Variants in STK32B observed in about 807,000 individuals in gnomAD.
STK32B encodes serine/threonine kinase 32B, also known as serine/threonine-protein kinase 32B.
A neutral mutation model predicts 52.6 loss-of-function variants in STK32B; 43 were observed. The ratio of observed to expected loss-of-function variants is 0.82; its 90% CI spans 0.64 to 1.05. The LOEUF (loss-of-function observed/expected upper bound fraction) is 1.05. STK32B is among the 50% of genes least tolerant of loss of function. The pLI is 0.00. For synonymous variants in STK32B, 238 were observed against 204.3 expected (o/e 1.17, Z -1.41); for missense variants, 621 against 534.6 (o/e 1.16, Z -1.59).
At chr4:5,083,818 C>A (rs1712568213) in intron 1 of STK32B, among the ~76,000 whole-genome samples, 1 of 151,586 alleles carries the variant, frequency 6.6e-6, no homozygotes, top group Non-Finnish European at 1.5e-5. Context: ...CTCACTGCAA[C>A]CTCCAACTCC....
At chr4:5,485,969 T>G (rs917272267) in intron 11 of STK32B, among the ~76,000 whole-genome samples, 1 of 152,208 alleles carries the variant, frequency 6.6e-6, no homozygotes, top group Admixed American at 6.5e-5. Flanking sequence ...GGGGAGTACC[T>G]GGCCGTGTGA....
intron 4 of STK32B, among the ~76,000 whole-genome samples, chr4:5,364,383 C>CAGGT (rs1734740519): frequency 6.6e-6 from 1 of 152,208 alleles, no homozygotes; most frequent in Admixed American, 6.5e-5. Flanking sequence ...TCCTGCTTTG[C>CAGGT]AGGTCCCTGC....
intron 2 of STK32B, among the ~76,000 whole-genome samples, chr4:5,155,658 T>A (rs1717767975): frequency 6.6e-6 from 1 of 152,170 alleles, no homozygotes; most frequent in African/African-American, 2.4e-5. Flanking sequence ...GCTGTTCTCA[T>A]GATAGTGAAT....
intron 4 of STK32B, among the ~76,000 whole-genome samples, chr4:5,344,810 C>T (rs560561968): frequency 6.6e-6 from 1 of 151,966 alleles, no homozygotes; most frequent in Non-Finnish European, 1.5e-5. Flanking sequence ...AGACACTTCG[C>T]ATTTCTCAAG....
intron 1 of STK32B, among the ~76,000 whole-genome samples, chr4:5,064,776 A>C (rs1323123843): frequency 8.4e-6 from 1 of 118,590 alleles, no homozygotes; most frequent in Non-Finnish European, 1.7e-5. Context: ...ACTTATATAC[A>C]TATATAATAT....
chr4:5,372,722 G>A (rs528403181), intron 4 of STK32B, among the ~76,000 whole-genome samples: 1,057 of 97,302 alleles, frequency 0.011, 20 homozygotes, highest in African/African-American at 0.035. Flanking sequence ...GAGAAAGTTG[G>A]GGGGGGGGGC....
intron 3 of STK32B, among the ~76,000 whole-genome samples, chr4:5,322,062 A>C (rs1373595120): frequency 6.7e-6 from 1 of 149,400 alleles, no homozygotes; most frequent in Admixed American, 6.7e-5. Context: ...GGCTGAACAC[A>C]GTGGCTCACA....
intron 11 of STK32B, among the ~76,000 whole-genome samples, chr4:5,480,471 A>G (rs1032779284): frequency 4.6e-5 from 7 of 152,194 alleles, no homozygotes; most frequent in African/African-American, 1.4e-4. Flanking sequence ...CTTTCAGGCT[A>G]TAGGTAAATT....
At chr4:5,194,965 C>T (rs1721525113) in intron 3 of STK32B, among the ~76,000 whole-genome samples, 1 of 152,194 alleles carries the variant, frequency 6.6e-6, no homozygotes, top group Non-Finnish European at 1.5e-5. Flanking sequence ...GATCCAATCA[C>T]CTCCCACCAT....
chr4:5,330,555 C>G (rs1177897492), intron 3 of STK32B, among the ~76,000 whole-genome samples: 2 of 152,190 alleles, frequency 1.3e-5, no homozygotes, highest in Non-Finnish European at 2.9e-5. Context: ...CATGTGATAT[C>G]TGGGGTTGCC....
chr4:5,414,375 T>C (rs1419892978), intron 5 of STK32B, among the ~76,000 whole-genome samples: 1 of 151,862 alleles, frequency 6.6e-6, no homozygotes. Context: ...TCAAATACAT[T>C]AATATTTCTA....
At chr4:5,402,678 G>A (rs560662606) in intron 5 of STK32B, among the ~76,000 whole-genome samples, 1 of 152,202 alleles carries the variant, frequency 6.6e-6, no homozygotes, top group African/African-American at 2.4e-5. Context: ...CCTCTTACAG[G>A]ACAGAGTGCT....
At position 5,051,751 on chromosome 4, in the gene STK32B, G is replaced by A; in HGVS notation, c.-113G>A. The A allele has an allele frequency of 6.8e-7, 1 of 1,462,904 alleles. No individual in the cohort carries two copies. The highest frequency in any genetic ancestry group is 9.2e-7 in the Non-Finnish European group (1 of 1,085,172). 90.6% of individuals were successfully genotyped at this position (1,462,904 alleles called of 1,614,324 possible). On this transcript the variant is annotated 5_prime_UTR_variant, in exon 1 of 12. Coordinates refer to ENST00000282908, the MANE Select transcript of STK32B (RefSeq NM_018401.3). ...TCGGCCCCCTCGGGCTCCGCGCGCG[G>A]CTACAACCCGGACTGGGCGCGCCCC... is the stretch of plus-strand genomic sequence containing the variant.
intron 3 of STK32B, among the ~76,000 whole-genome samples, chr4:5,258,905 T>C (rs1474534101): frequency 1.3e-5 from 2 of 152,242 alleles, no homozygotes; most frequent in African/African-American, 4.8e-5. Flanking sequence ...CAATCGTCTA[T>C]GAGGCTCCAT....
intron 2 of STK32B, among the ~76,000 whole-genome samples, chr4:5,160,805 A>G (rs965058577): frequency 6.6e-6 from 1 of 152,156 alleles, no homozygotes; most frequent in Non-Finnish European, 1.5e-5. Context: ...ATGTCCTGTG[A>G]TGGGAGCACA....
chr4:5,181,068 G>A (rs1445086047), intron 3 of STK32B, among the ~76,000 whole-genome samples: 1 of 152,120 alleles, frequency 6.6e-6, no homozygotes. Flanking sequence ...GGAGAGAAAA[G>A]CAGCATGAGT....
intron 3 of STK32B, among the ~76,000 whole-genome samples, chr4:5,170,295 T>TTTTTTATTTTTA (rs140788301): frequency 6.6e-6 from 1 of 152,014 alleles, no homozygotes; most frequent in East Asian, 1.9e-4. Context: ...TTAGGCACCT[T>TTTTTTATTTTTA]TTTTTATTTT....
chr4:5,133,868 A>T (rs1715916131), intron 1 of STK32B, among the ~76,000 whole-genome samples: 1 of 152,192 alleles, frequency 6.6e-6, no homozygotes, highest in African/African-American at 2.4e-5. Context: ...TGCAGGCATC[A>T]CTACCTCCAT....
At chr4:5,161,911 C>T (rs1019399043) in intron 2 of STK32B, among the ~76,000 whole-genome samples, 9 of 150,868 alleles carry the variant, frequency 6.0e-5, no homozygotes, top group African/African-American at 2.2e-4. Context: ...TTTAATGTCA[C>T]ACTGTAGCTG....
Sources: allele counts gnomAD v4.1 joint callset (sites outside exome capture counted in the v4.1 genomes callset), GRCh38; gene constraint gnomAD v4.1.1; transcripts MANE v1.5; gene names NCBI Gene and HGNC (gene_info 2026-07-23, HGNC 2026-07-21).